CERS5: variants seen among roughly 807,000 people sequenced by gnomAD.
CERS5 encodes the protein ceramide synthase 5.
Under a neutral mutation model 58.9 loss-of-function variants are expected in CERS5, and 37 were observed. The ratio of observed to expected loss-of-function variants is 0.63; its 90% CI spans 0.48 to 0.83. CERS5 has a LOEUF of 0.83. Ranked by LOEUF, CERS5 falls within the 40% of genes least tolerant of loss-of-function variation. CERS5 has a pLI of 0.00. For missense variants in CERS5, 398 were observed against 489.3 expected, an observed-to-expected ratio of 0.81 and a Z score of 1.76; for synonymous variants, 147 against 177.8, an observed-to-expected ratio of 0.83 and a Z score of 1.38.
At chr12:50,155,851 C>T (rs1217189807) in intron 1 of CERS5, among the ~76,000 whole-genome samples, 1 of 151,456 alleles carries the variant, frequency 6.6e-6, no homozygotes, top group Non-Finnish European at 1.5e-5. Flanking sequence ...CCTGTAATCC[C>T]CAGCACTTTG....
chr12:50,137,014 C>A (rs529455044), intron 6 of CERS5, among the ~76,000 whole-genome samples: 1 of 152,222 alleles, frequency 6.6e-6, no homozygotes, highest in African/African-American at 2.4e-5. Context: ...TGTTAGATAA[C>A]ACTAACAACC....
At chr12:50,144,985 A>C (rs1231362489) in intron 1 of CERS5, 12 of 314,262 alleles carry the variant, frequency 3.8e-5, no homozygotes, top group Non-Finnish European at 6.6e-5. Flanking sequence ...AATACAAAAA[A>C]AAATTATCTG....
At chr12:50,148,431 A>G (rs1330420197) in intron 1 of CERS5, 5 of 217,292 alleles carry the variant, frequency 2.3e-5, no homozygotes, top group Non-Finnish European at 4.9e-5. Flanking sequence ...CCCCATCTCT[A>G]CCAAAAAATA....
chr12:50,156,645 A>C (rs1190532649), intron 1 of CERS5, among the ~76,000 whole-genome samples: 1 of 152,038 alleles, frequency 6.6e-6, no homozygotes, highest in East Asian at 1.9e-4. Context: ...ATATTGATAG[A>C]TATAACTCAT....
chr12:50,143,022 A>G, intron 3 of CERS5, 52 bp downstream of exon 3: 1 of 1,537,850 alleles, frequency 6.5e-7, no homozygotes. Flanking sequence ...ACTTCAGTCC[A>G]GTTGTATCCC....
intron 1 of CERS5, among the ~76,000 whole-genome samples, chr12:50,162,216 T>A (rs1939386599): frequency 6.7e-6 from 1 of 148,954 alleles, no homozygotes; most frequent in Admixed American, 6.7e-5. Flanking sequence ...TAAATGTATA[T>A]GAAGTGTGTA....
intron 1 of CERS5, among the ~76,000 whole-genome samples, chr12:50,158,962 G>A (rs1938960797): frequency 6.6e-6 from 1 of 151,958 alleles, no homozygotes; most frequent in African/African-American, 2.4e-5. Context: ...CATTAACACC[G>A]AGAAGATAGA....
chr12:50,142,184 T>C (rs1040053360), intron 3 of CERS5, 74 bp from the exon 4 acceptor site: 2 of 986,334 alleles, frequency 2.0e-6, no homozygotes, highest in Non-Finnish European at 3.1e-6. Context: ...GAAGTCAAGA[T>C]AGCAAATTTG....
intron 1 of CERS5, among the ~76,000 whole-genome samples, chr12:50,149,165 C>A (rs998626054): frequency 6.6e-6 from 1 of 151,912 alleles, no homozygotes; most frequent in Non-Finnish European, 1.5e-5. Flanking sequence ...ATGATACTGA[C>A]AAATTATACT....
chr12:50,162,275 T>A (rs1939395445), intron 1 of CERS5, among the ~76,000 whole-genome samples: 1 of 150,750 alleles, frequency 6.6e-6, no homozygotes, highest in Non-Finnish European at 1.5e-5. Context: ...GAACAAGAGG[T>A]TAAATCTTAA....
intron 9 of CERS5, among the ~76,000 whole-genome samples, chr12:50,130,913 T>C (rs1362188829): frequency 1.3e-5 from 2 of 152,226 alleles, no homozygotes; most frequent in Non-Finnish European, 2.9e-5. Context: ...CTCTGTGGAA[T>C]TGAAGCTACT....
At chr12:50,134,071 G>GAAAAAA (rs57888855) in intron 9 of CERS5, 3,227 of 79,486 alleles carry the variant, frequency 0.041, 309 homozygotes, top group African/African-American at 0.16. Flanking sequence ...GATTCCATCT[G>GAAAAAA]AAAAAAAAAA....
In CERS5 at chr12:50,143,192, T is replaced by C. The variant is rs1443042310; in HGVS notation, c.316A>G (p.Lys106Glu). 1 of 1,614,120 alleles carries C rather than the reference T, an allele frequency of 6.2e-7. No homozygotes were observed. The highest frequency in any genetic ancestry group is 8.5e-7 in the Non-Finnish European group (1 of 1,180,010). Residue 106 changes from lysine (K) to glutamate (E), a missense_variant, in exon 3 of 10, where the codon AAA becomes GAA. Physicochemically the swap from Lys to Glu is moderately conservative, Grantham distance 56. Around this residue, in one of 3 missense-constraint regions of CERS5, gnomAD observed 328 missense variants for 384.5 expected, o/e 0.85. Transcript: ENST00000317551. Reference sequence around the variant, plus strand: ...TGCTTTGACAGGCCCTCCAGCCTTTTCTTATCAGGATACTGTGAATGTATA... The same window carrying C: ...TGCTTTGACAGGCCCTCCAGCCTTTCCTTATCAGGATACTGTGAATGTATA... The part of the protein sequence containing the change: ...FISITKYPDK[K>E]RLEGLSKQLD...
intron 4 of CERS5, 80 bp from the exon 5 acceptor site, chr12:50,138,697 C>T: frequency 1.6e-6 from 2 of 1,287,332 alleles, no homozygotes; most frequent in South Asian, 2.4e-5. Flanking sequence ...ATCCCCTTCT[C>T]TCTAGGCTGG....
chr12:50,140,115 C>A (rs1246903493), intron 4 of CERS5, among the ~76,000 whole-genome samples: 1 of 151,980 alleles, frequency 6.6e-6, no homozygotes, highest in African/African-American at 2.4e-5. Flanking sequence ...CAACTTTAAA[C>A]CTTTTGTAAT....
chr12:50,134,215 CA>C (rs910431011), intron 9 of CERS5: 3 of 372,196 alleles, frequency 8.1e-6, no homozygotes, highest in Non-Finnish European at 1.5e-5. Flanking sequence ...ACCCTATCTA[CA>C]AAAAATAAGA....
chr12:50,130,036 T>C lies in CERS5; in HGVS notation c.*509A>G, dbSNP rs1951228159. The C allele has an allele frequency of 6.5e-6, 1 of 152,878 alleles. No individual in the cohort carries two copies. Among genetic ancestry groups the C allele is most frequent in the African/African-American group, 2.4e-5 (1 of 41,458 alleles). The allele number at this position is 152,878 out of a possible 1,614,324, so 9.5% of individuals were successfully genotyped here. On this transcript the variant is annotated 3_prime_UTR_variant, in exon 10 of 10. Coordinates refer to ENST00000317551, the MANE Select transcript of CERS5 (RefSeq NM_147190.5). ...GGCCATCCATCCATGGTTCTGTTTC[T>C]ATACAACTTCATCATGTGACATATT...
At position 50,138,907 on chromosome 12, in the gene CERS5, T is replaced by C. The variant is rs886866782; in HGVS notation, c.493-290A>G. Among the ~76,000 whole-genome samples the C allele has an allele frequency of 3.3e-5, 5 of 152,268 alleles. 1 individual carries two copies. In the East Asian group the frequency reaches 9.6e-4, roughly 29 times the overall value. On this transcript the variant is annotated intron_variant, in intron 4 of 9. Coordinates refer to ENST00000317551, the MANE Select transcript of CERS5 (RefSeq NM_147190.5). ...TATATACAGGAAGACAATGATTCAT[T>C]TGATAACCAAGAAAGATATCTCCAT...
At position 50,167,095 on chromosome 12, in the gene CERS5, T is replaced by C. The variant is rs996353163; in HGVS notation, c.197+6A>G. The C allele has an allele frequency of 6.5e-6, 10 of 1,527,296 alleles. No individual in the cohort carries two copies. In the Admixed American group the frequency reaches 1.0e-4, roughly 16 times the overall value. The allele number at this position is 1,527,296 out of a possible 1,614,324, so 94.6% of individuals were successfully genotyped here. A position where few individuals can be genotyped will look rare whatever the true frequency, so the allele number is the denominator to read the frequency against. On this transcript the variant is annotated splice_donor_region_variant and intron_variant, in intron 1 of 9. Transcript: ENST00000317551. The stretch of plus-strand genomic sequence containing the variant: ...GCCCCCGAGCCGCTCGCTCCCGGGC[T>C]CTCACCGCTCGAAGAGCAGCCTCAC...
Sources: gnomAD v4.1 joint callset for allele counts (sites outside exome capture counted in the v4.1 genomes callset) on GRCh38, gnomAD v4.1.1 for gene constraint, gnomAD v4.1.1 regional missense constraint, MANE v1.5 for transcripts, NCBI Gene and HGNC (gene_info 2026-07-23, HGNC 2026-07-21) for gene names.